Variants in GRM7 observed in about 807,000 individuals in gnomAD.
The protein encoded by GRM7 is metabotropic glutamate receptor 7.
GRM7 carries 35 observed loss-of-function variants against 84.5 expected under a neutral mutation model. The ratio of observed to expected loss-of-function variants is 0.41; its 90% CI spans 0.32 to 0.55. The LOEUF is 0.55. GRM7 is among the 20% of genes least tolerant of loss of function. The pLI, the probability that GRM7 is intolerant of heterozygous loss-of-function variation, is 0.19. For missense variants in GRM7, 1,003 were observed against 1,194.6 expected, an observed-to-expected ratio of 0.84 and a Z score of 2.36; for synonymous variants, 487 against 455.1, an observed-to-expected ratio of 1.07 and a Z score of -0.89.
intron 1 of GRM7, among the ~76,000 whole-genome samples, chr3:7,041,958 G>A (rs1054212824): frequency 5.3e-5 from 8 of 152,156 alleles, no homozygotes; most frequent in South Asian, 2.1e-4. Flanking sequence ...TGAAAAACAC[G>A]AAAGGACTGC....
intron 1 of GRM7, among the ~76,000 whole-genome samples, chr3:6,873,186 C>G (rs1368993100): frequency 6.6e-6 from 1 of 152,120 alleles, no homozygotes; most frequent in Non-Finnish European, 1.5e-5. Context: ...ATTCTCCCGC[C>G]TCAGTCTCCT....
chr3:7,331,177 G>A (rs1701194780), intron 4 of GRM7, among the ~76,000 whole-genome samples: 1 of 152,106 alleles, frequency 6.6e-6, no homozygotes, highest in Non-Finnish European at 1.5e-5. Context: ...TAAAATAAAG[G>A]CTGGCACACA....
intron 7 of GRM7, among the ~76,000 whole-genome samples, chr3:7,530,319 G>T (rs745987884): frequency 2.8e-4 from 42 of 151,886 alleles, no homozygotes; most frequent in Non-Finnish European, 5.2e-4. Flanking sequence ...TATATGTGCC[G>T]CATTTTCTTT....
chr3:7,011,016 G>A (rs978444429), intron 1 of GRM7, among the ~76,000 whole-genome samples: 1 of 152,158 alleles, frequency 6.6e-6, no homozygotes, highest in Non-Finnish European at 1.5e-5. Flanking sequence ...GTGGATCCAG[G>A]CCAAGACACT....
intron 1 of GRM7, among the ~76,000 whole-genome samples, chr3:7,038,903 A>G (rs997932714): frequency 1.2e-4 from 18 of 152,118 alleles, no homozygotes; most frequent in African/African-American, 4.3e-4. Context: ...TTATGCCGAT[A>G]GGTTTCTCAG....
chr3:7,027,286 A>C (rs1696018001), intron 1 of GRM7, among the ~76,000 whole-genome samples: 3 of 152,126 alleles, frequency 2.0e-5, no homozygotes, highest in African/African-American at 4.8e-5. Context: ...CCCATGCAGG[A>C]TTGTAAAATT....
Position 7,242,812 on chromosome 3 carries a change from T to C in GRM7, c.737-55872T>C, listed in dbSNP as rs559427722. Among the ~76,000 whole-genome samples the C allele has an allele frequency of 6.6e-5, 10 of 152,292 alleles. No individual in the cohort carries two copies. The South Asian group carries it at 1.7e-3, about 25-fold the overall frequency. ...TAAGTGTCTCTCCATTTGTTAATTA[T>C]GCCTTTCCATTTGTTTCTTTCAGCA... On this transcript the variant is annotated intron_variant, in intron 2 of 9. Transcript: ENST00000357716.
chr3:7,622,106 T>C (rs187847347), intron 8 of GRM7, among the ~76,000 whole-genome samples: 1 of 152,274 alleles, frequency 6.6e-6, no homozygotes, highest in Admixed American at 6.5e-5. Flanking sequence ...GGCAAAATGA[T>C]TTACCCAAAT....
At chr3:7,410,328 T>C (rs943836153) in intron 4 of GRM7, among the ~76,000 whole-genome samples, 1 of 152,136 alleles carries the variant, frequency 6.6e-6, no homozygotes. Context: ...CCCAACACTT[T>C]GGGAGGCCGA....
intron 1 of GRM7, among the ~76,000 whole-genome samples, chr3:7,081,736 A>G (rs146466215): frequency 1.3e-5 from 2 of 152,234 alleles, no homozygotes; most frequent in Non-Finnish European, 2.9e-5. Context: ...GGAAATTATA[A>G]CTACTACTGC....
chr3:7,262,383 T>C (rs1256637966), intron 2 of GRM7, among the ~76,000 whole-genome samples: 1 of 152,170 alleles, frequency 6.6e-6, no homozygotes, highest in East Asian at 1.9e-4. Context: ...TTCAGCTTGG[T>C]CTATTCTGTT....
At chr3:7,514,072 T>C (rs1461909886) in intron 7 of GRM7, among the ~76,000 whole-genome samples, 3 of 152,242 alleles carry the variant, frequency 2.0e-5, no homozygotes, top group Non-Finnish European at 4.4e-5. Flanking sequence ...ATCCGATTTA[T>C]AGTTCTGTGG....
chr3:7,128,930 C>T (rs965981347), intron 1 of GRM7, among the ~76,000 whole-genome samples: 1 of 152,040 alleles, frequency 6.6e-6, no homozygotes, highest in Non-Finnish European at 1.5e-5. Context: ...TGCTTTTAAG[C>T]TGAAGTTGGG....
At chr3:6,904,723 G>GT (rs143641576) in intron 1 of GRM7, among the ~76,000 whole-genome samples, 4,020 of 148,238 alleles carry the variant, frequency 0.027, 193 homozygotes, top group African/African-American at 0.093. Flanking sequence ...CCTTATGTGT[G>GT]TTTTTTTTTT....
chr3:7,513,890 C>G (rs1483470378), intron 7 of GRM7, among the ~76,000 whole-genome samples: 1 of 152,214 alleles, frequency 6.6e-6, no homozygotes, highest in Non-Finnish European at 1.5e-5. Context: ...TGCACTTCAT[C>G]TGTCCTAGCT....
intron 8 of GRM7, among the ~76,000 whole-genome samples, chr3:7,593,875 G>GA (rs1695912991): frequency 6.6e-6 from 1 of 152,022 alleles, no homozygotes; most frequent in East Asian, 1.9e-4. Context: ...AGGCCAGATA[G>GA]AAGTTTCCCA....
chr3:7,104,514 A>G (rs1433968610), intron 1 of GRM7, among the ~76,000 whole-genome samples: 2 of 151,866 alleles, frequency 1.3e-5, no homozygotes, highest in Non-Finnish European at 2.9e-5. Context: ...AGGATCCATT[A>G]TCAGCGCTAC....
intron 4 of GRM7, among the ~76,000 whole-genome samples, chr3:7,374,761 G>A (rs1244371765): frequency 1.3e-5 from 2 of 151,854 alleles, no homozygotes; most frequent in Non-Finnish European, 1.5e-5. Context: ...AAAGTGCTGG[G>A]ATTACAGGCT....
In GRM7 at chr3:7,138,117, A is replaced by AT. The variant is rs1331134651; in HGVS notation, c.520-8329dup. Among the ~76,000 whole-genome samples, 20 of 152,156 alleles carry AT rather than the reference A, an allele frequency of 1.3e-4. No homozygotes were observed. In the East Asian group the frequency reaches 3.9e-3, roughly 29 times the overall value. ...AAGTGATAATGACATGCCAGTAAAT[A>AT]TTTTTTGTTCTTAAAACACTGGCTA... On this transcript the variant is annotated intron_variant, in intron 1 of 9. Coordinates refer to ENST00000357716, the MANE Select transcript of GRM7 (RefSeq NM_000844.4).
Sources: allele counts gnomAD v4.1 joint callset (sites outside exome capture counted in the v4.1 genomes callset), GRCh38; gene constraint gnomAD v4.1.1; transcripts MANE v1.5; gene names NCBI Gene and HGNC (gene_info 2026-07-23, HGNC 2026-07-21).